EFCAB6: variants seen among roughly 807,000 people sequenced by gnomAD.
The protein encoded by EFCAB6 is EF-hand calcium-binding domain-containing protein 6.
In EFCAB6, 156 loss-of-function variants were observed where a neutral mutation model predicts 169.8. That is an observed-to-expected ratio of 0.92 (90% confidence interval 0.81 to 1.05). The LOEUF (loss-of-function observed/expected upper bound fraction) is 1.05. Ranked by LOEUF, EFCAB6 falls within the 50% of genes least tolerant of loss-of-function variation. The pLI, the probability that EFCAB6 is intolerant of heterozygous loss-of-function variation, is 0.00. For missense variants in EFCAB6, 1,800 were observed against 1,829.1 expected (o/e 0.98, Z 0.29); for synonymous variants, 698 against 676.4 (o/e 1.03, Z -0.50).
At chr22:43,765,690 T>C (rs774944815) in intron 4 of EFCAB6, among the ~76,000 whole-genome samples, 2 of 152,136 alleles carry the variant, frequency 1.3e-5, no homozygotes, top group African/African-American at 2.4e-5. Flanking sequence ...ATATACTCTA[T>C]ATATACTCTA....
At chr22:43,548,525 G>A in intron 27 of EFCAB6, among the ~76,000 whole-genome samples, 1 of 99,112 alleles carries the variant, frequency 1.0e-5, no homozygotes, top group Non-Finnish European at 1.8e-5. Context: ...GGGTGACAGA[G>A]CGAGAATCCA....
intron 7 of EFCAB6, among the ~76,000 whole-genome samples, chr22:43,733,692 G>T (rs1223304324): frequency 1.3e-5 from 2 of 152,140 alleles, no homozygotes; most frequent in Non-Finnish European, 2.9e-5. Flanking sequence ...TCCCAGCCCT[G>T]AGAGGTGGGC....
At chr22:43,732,949 A>C (rs2060007124) in intron 7 of EFCAB6, among the ~76,000 whole-genome samples, 1 of 152,188 alleles carries the variant, frequency 6.6e-6, no homozygotes, top group East Asian at 1.9e-4. Flanking sequence ...TGATTTCTAT[A>C]ATTATCTAAT....
At chr22:43,792,062 T>C (rs1353076963) in intron 2 of EFCAB6, among the ~76,000 whole-genome samples, 1 of 152,164 alleles carries the variant, frequency 6.6e-6, no homozygotes, top group Admixed American at 6.5e-5. Flanking sequence ...GGTGTGGTGA[T>C]GGGAGCCTGT....
intron 19 of EFCAB6, 41 bp downstream of exon 19, chr22:43,632,064 G>T: frequency 6.2e-7 from 1 of 1,605,924 alleles, no homozygotes; most frequent in South Asian, 1.1e-5. Flanking sequence ...TGGGAGCAGG[G>T]GAGGCCTAGA....
intron 6 of EFCAB6, among the ~76,000 whole-genome samples, chr22:43,746,114 C>T (rs2060552642): frequency 6.6e-6 from 1 of 152,170 alleles, no homozygotes; most frequent in African/African-American, 2.4e-5. Context: ...AACTTCCAAT[C>T]CGGGGACAAG....
chr22:43,619,260 T>C (rs1027531603), intron 20 of EFCAB6, among the ~76,000 whole-genome samples: 1 of 152,170 alleles, frequency 6.6e-6, no homozygotes, highest in Non-Finnish European at 1.5e-5. Context: ...GAAAACAAAA[T>C]TGACATTAAA....
chr22:43,653,756 C>A (rs901236326), intron 17 of EFCAB6, among the ~76,000 whole-genome samples: 2 of 151,956 alleles, frequency 1.3e-5, no homozygotes, highest in African/African-American at 4.8e-5. Flanking sequence ...TGAGAGGGAG[C>A]GATTTCTAGT....
intron 17 of EFCAB6, among the ~76,000 whole-genome samples, chr22:43,664,153 G>C (rs2057134759): frequency 6.6e-6 from 1 of 152,234 alleles, no homozygotes; most frequent in African/African-American, 2.4e-5. Flanking sequence ...CCAGCACCCA[G>C]AGTAATTCAT....
intron 5 of EFCAB6, among the ~76,000 whole-genome samples, chr22:43,761,715 T>C (rs1338830210): frequency 6.6e-6 from 1 of 152,224 alleles, no homozygotes; most frequent in Non-Finnish European, 1.5e-5. Context: ...CATTCTTTGA[T>C]AGTTCCAATA....
intron 26 of EFCAB6, among the ~76,000 whole-genome samples, chr22:43,560,019 G>A (rs2048935064): frequency 6.6e-6 from 1 of 152,136 alleles, no homozygotes; most frequent in Non-Finnish European, 1.5e-5. Flanking sequence ...TCCCAGAACT[G>A]AAAGTAAAAT....
chr22:43,567,454 T>C (rs7289572), intron 26 of EFCAB6, among the ~76,000 whole-genome samples: 5,915 of 152,212 alleles, frequency 0.039, 129 homozygotes, highest in African/African-American at 0.051. Flanking sequence ...CTCACCGAAA[T>C]AGGATAGAAT....
intron 27 of EFCAB6, among the ~76,000 whole-genome samples, chr22:43,547,926 G>C (rs1418149066): frequency 3.3e-5 from 5 of 151,570 alleles, no homozygotes; most frequent in African/African-American, 4.8e-5. Context: ...CCCGTCTCTA[G>C]TAAAAATACA....
At chr22:43,717,357 C>A in intron 8 of EFCAB6, among the ~76,000 whole-genome samples, 2 of 149,020 alleles carry the variant, frequency 1.3e-5, no homozygotes, top group African/African-American at 2.5e-5. Flanking sequence ...AACATAAATA[C>A]TTGATTTTTG....
At chr22:43,769,421 G>A (rs1459290558) in intron 4 of EFCAB6, among the ~76,000 whole-genome samples, 6 of 152,094 alleles carry the variant, frequency 3.9e-5, no homozygotes, top group East Asian at 1.9e-4. Context: ...TGATGACTGC[G>A]AAACTCTATG....
chr22:43,582,885 A>G (rs563033347), intron 24 of EFCAB6, among the ~76,000 whole-genome samples: 1 of 152,352 alleles, frequency 6.6e-6, no homozygotes, highest in South Asian at 2.1e-4. Context: ...GTCCCTGGAT[A>G]AGGCTACTGC....
chr22:43,728,437 T>C (rs1569448281), intron 8 of EFCAB6, among the ~76,000 whole-genome samples: 1 of 152,244 alleles, frequency 6.6e-6, no homozygotes, highest in Admixed American at 6.5e-5. Context: ...ATTAATGGGA[T>C]TGCTGGGTCA....
chr22:43,573,831 T>C (rs1326995623), intron 26 of EFCAB6, among the ~76,000 whole-genome samples: 3 of 151,796 alleles, frequency 2.0e-5, no homozygotes, highest in Admixed American at 6.6e-5. Context: ...TTCAAATGTA[T>C]CAGCATATTC....
In EFCAB6 at chr22:43,803,077, A is replaced by G. The variant is rs1386420126; in HGVS notation, c.-8+5918T>C. The stretch of plus-strand genomic sequence containing the variant: ...TGAAAGCCTTAAGGAGGGGAAAACA[A>G]ATTTATTTTTATGTCCTCTTTTCTC... On this transcript the variant is annotated intron_variant, in intron 2 of 31. Transcript: ENST00000262726. Among the ~76,000 whole-genome samples, 3 of 152,200 alleles carry G rather than the reference A, an allele frequency of 2.0e-5. No homozygotes were observed. The South Asian group carries it at 6.2e-4, about 32-fold the overall frequency.
Sources: gnomAD v4.1 joint callset for allele counts (sites outside exome capture counted in the v4.1 genomes callset) on GRCh38, gnomAD v4.1.1 for gene constraint, MANE v1.5 for transcripts, NCBI Gene and HGNC (gene_info 2026-07-23, HGNC 2026-07-21) for gene names.